IL36RN: variants seen among roughly 807,000 people sequenced by gnomAD.
The protein encoded by IL36RN is interleukin 36 receptor antagonist, also known as interleukin-36 receptor antagonist protein.
A neutral mutation model predicts 13.0 loss-of-function variants in IL36RN; 11 were observed. The ratio of observed to expected loss-of-function variants is 0.85; its 90% CI spans 0.53 to 1.40. The LOEUF is 1.40. IL36RN is among the 40% of genes most tolerant of loss of function. IL36RN has a pLI of 0.00. For synonymous variants in IL36RN, 94 were observed against 84.1 expected, an observed-to-expected ratio of 1.12 and a Z score of -0.64; for missense variants, 195 against 195.3, an observed-to-expected ratio of 1.00 and a Z score of 0.01.
Position 113,064,234 on chromosome 2 carries a change from A to G in IL36RN, c.*1557A>G, listed in dbSNP as rs1204805721. On this transcript the variant is annotated 3_prime_UTR_variant, in exon 5 of 5. Transcript: ENST00000393200. ...GGGATAACGGCTCTGCTGAAACCTT[A>G]ATCTCAGACTTCCAGCCTCCTGAAC... The G allele has an allele frequency of 6.6e-6, 1 of 152,202 alleles. No homozygotes were observed. Among genetic ancestry groups the G allele is most frequent in the Non-Finnish European group, 1.5e-5 (1 of 68,040 alleles). 9.4% of individuals were successfully genotyped at this position (152,202 alleles called of 1,614,324 possible). A position where few individuals can be genotyped will look rare whatever the true frequency, so the allele number is the denominator to read the frequency against.
At position 113,062,710 on chromosome 2, in the gene IL36RN, GC is replaced by G; in HGVS notation, c.*35del. On this transcript the variant is annotated 3_prime_UTR_variant, in exon 5 of 5. Transcript: ENST00000393200. ...TGCCCCCCAGAACTCCCTGGGCAGAGCCAGCTCGGGTGAGGGGTGAGTGGAG... is the reference window on the plus strand; with the variant it reads ...TGCCCCCCAGAACTCCCTGGGCAGAGCAGCTCGGGTGAGGGGTGAGTGGAG... 6.3e-7 allele frequency: 1 copy of G among 1,583,304 alleles called. No individual in the cohort carries two copies. The highest frequency in any genetic ancestry group is 8.6e-7 in the Non-Finnish European group (1 of 1,162,622).
At chr2:113,061,504 C>G (rs549046054) in intron 3 of IL36RN, among the ~76,000 whole-genome samples, 7 of 152,188 alleles carry the variant, frequency 4.6e-5, no homozygotes, top group Non-Finnish European at 8.8e-5. Flanking sequence ...GTAGATCCTT[C>G]AGCTAGGCCA....
Position 113,062,447 on chromosome 2 carries a change from C to T in IL36RN, c.244-6C>T, listed in dbSNP as rs374849220. 4.7e-5 allele frequency: 76 copies of T among 1,613,986 alleles called. No homozygotes were observed. In the Middle Eastern group the frequency reaches 6.6e-4, roughly 14 times the overall value. On this transcript the variant is annotated splice_region_variant and splice_polypyrimidine_tract_variant and intron_variant, in intron 4 of 4. Coordinates refer to ENST00000393200, the MANE Select transcript of IL36RN (RefSeq NM_012275.3). ...CCTCACCTGACCTCCCCTCCTCTGC[C>T]GGCAGCCAGTGAACATCATGGAGCT...
intron 3 of IL36RN, among the ~76,000 whole-genome samples, chr2:113,061,639 CAT>C (rs1157344013): frequency 6.6e-6 from 1 of 151,976 alleles, no homozygotes; most frequent in Non-Finnish European, 1.5e-5. Context: ...TAGGTATGAG[CAT>C]GTGTGTGTAT....
At position 113,062,150 on chromosome 2, in the gene IL36RN, C is replaced by A. The variant is rs151325121; in HGVS notation, c.142C>A (p.Arg48=). The A allele has an allele frequency of 6.2e-7, 1 of 1,614,068 alleles. No individual in the cohort carries two copies. Among genetic ancestry groups the A allele is most frequent in the Non-Finnish European group, 8.5e-7 (1 of 1,179,954 alleles). Residue 48 remains arginine, a synonymous_variant, in exon 4 of 5, where the codon CGG becomes AGG. Coordinates refer to ENST00000393200, the MANE Select transcript of IL36RN (RefSeq NM_012275.3). Reference sequence around the variant, plus strand: ...TGAAGAGATCAGCGTGGTCCCCAATCGGTGGCTGGATGCCAGCCTGTCCCC... The same window carrying A: ...TGAAGAGATCAGCGTGGTCCCCAATAGGTGGCTGGATGCCAGCCTGTCCCC... ...KGEEISVVPN[R]WLDASLSPVI...
Position 113,062,577 on chromosome 2 carries a change from C to G in IL36RN, c.368C>G (p.Thr123Arg), listed in dbSNP as rs397514629. Reference protein sequence around the residue: ...SAAYPGWFLCTVPEADQPVRL... With the variant: ...SAAYPGWFLCRVPEADQPVRL... Reference sequence around the variant, plus strand: ...GCCTACCCGGGCTGGTTCCTGTGCACGGTGCCTGAAGCCGATCAGCCTGTC... The same window carrying G: ...GCCTACCCGGGCTGGTTCCTGTGCAGGGTGCCTGAAGCCGATCAGCCTGTC... Residue 123 changes from threonine to arginine, a missense_variant, in exon 5 of 5, where the codon ACG becomes AGG. Thr to Arg is a moderately conservative substitution (Grantham distance 71). Transcript: ENST00000393200. 1 of 1,613,868 alleles carries G rather than the reference C, an allele frequency of 6.2e-7. No individual in the cohort carries two copies.
chr2:113,059,607 C>T (rs1685599979), intron 2 of IL36RN, 140 bp downstream of exon 2: 2 of 906,692 alleles, frequency 2.2e-6, no homozygotes, highest in Admixed American at 4.0e-5. Context: ...CACCTCACTG[C>T]TCTTAGAGTT....
At chr2:113,059,196 A>C, upstream of IL36RN, 2 of 578,592 alleles carry the variant, frequency 3.5e-6, no homozygotes, top group East Asian at 3.0e-5. Flanking sequence ...CCTTGGAGGA[A>C]CAGGCAGACT....
rs944976219 is a variant in IL36RN at position 113,059,304 on chromosome 2, C to T, written c.-28+63C>T. On this transcript the variant is annotated intron_variant, in intron 1 of 4. Coordinates refer to ENST00000393200, the MANE Select transcript of IL36RN (RefSeq NM_012275.3). ...CTGACCCCAGACCCAGAATCTGCTC[C>T]GTGGAGGCTGTTCACATGCTGGGGA... The T allele has an allele frequency of 2.1e-5, 19 of 914,648 alleles. No homozygotes were observed. In the East Asian group the frequency reaches 3.5e-4, roughly 17 times the overall value. The allele number at this position is 914,648 out of a possible 1,614,324, so 56.7% of individuals were successfully genotyped here.
At chr2:113,060,794 C>G in intron 2 of IL36RN, 58 bp from the exon 3 acceptor site, 1 of 1,209,982 alleles carries the variant, frequency 8.3e-7, no homozygotes, top group Non-Finnish European at 1.2e-6. Flanking sequence ...GGATCCAGGG[C>G]ATGCTGGAGT....
At chr2:113,061,176 A>C (rs916692712) in intron 3 of IL36RN, among the ~76,000 whole-genome samples, 20 of 152,224 alleles carry the variant, frequency 1.3e-4, no homozygotes, top group African/African-American at 4.6e-4. Context: ...GTTTTCCAAG[A>C]GGCTTGTCTT....
chr2:113,062,091 T>A, intron 3 of IL36RN, 33 bp from the exon 4 acceptor site: 1 of 1,611,124 alleles, frequency 6.2e-7, no homozygotes, highest in Non-Finnish European at 8.5e-7. Flanking sequence ...GGGAAAGGCA[T>A]CCAGGGCCCT....
At chr2:113,059,601 T>A in intron 2 of IL36RN, 134 bp downstream of exon 2, 1 of 1,016,232 alleles carries the variant, frequency 9.8e-7, no homozygotes, top group Non-Finnish European at 1.5e-6. Flanking sequence ...GACCAGCACC[T>A]CACTGCTCTT....
chr2:113,062,243 A>G lies in IL36RN; in HGVS notation c.235A>G (p.Thr79Ala). ...SCGVGQEPTL[T>A]LEPVNIMELY... ...TGGGGTGGGGCAGGAGCCGACTCTA[A>G]CACTAGAGGTGAGACTTGGGGCATC... Residue 79 changes from threonine (T) to alanine (A), a missense_variant, in exon 4 of 5, where the codon ACA becomes GCA. Physicochemically the swap from Thr to Ala is moderately conservative, Grantham distance 58 (BLOSUM62 0). Transcript: ENST00000393200. The G allele has an allele frequency of 6.2e-7, 1 of 1,613,992 alleles. No homozygotes were observed.
chr2:113,061,858 T>G (rs910125316), intron 3 of IL36RN, among the ~76,000 whole-genome samples: 2 of 151,452 alleles, frequency 1.3e-5, no homozygotes, highest in African/African-American at 2.4e-5. Context: ...AAGGAGGGGG[T>G]TGAATCTATT....
At chr2:113,061,294 G>A (rs1226194157) in intron 3 of IL36RN, among the ~76,000 whole-genome samples, 1 of 152,178 alleles carries the variant, frequency 6.6e-6, no homozygotes, top group Non-Finnish European at 1.5e-5. Context: ...TCCCATATGG[G>A]AGTGGGTTTC....
chr2:113,059,052 C>A, upstream of IL36RN: 1 of 306,900 alleles, frequency 3.3e-6, no homozygotes, highest in Admixed American at 4.2e-5. Context: ...GCTTCCCTCC[C>A]CACGACAGAT....
intron 2 of IL36RN, among the ~76,000 whole-genome samples, chr2:113,059,976 A>G (rs1409615336): frequency 6.6e-6 from 1 of 152,198 alleles, no homozygotes; most frequent in Non-Finnish European, 1.5e-5. Flanking sequence ...TCAGTCTAAT[A>G]AAGCACTTCC....
At chr2:113,062,094 A>C (rs1685653239) in intron 3 of IL36RN, 30 bp from the exon 4 acceptor site, 1 of 1,611,858 alleles carries the variant, frequency 6.2e-7, no homozygotes, top group Non-Finnish European at 8.5e-7. Flanking sequence ...AAAGGCATCC[A>C]GGGCCCTGCA....
Sources: gnomAD v4.1 joint callset for allele counts (sites outside exome capture counted in the v4.1 genomes callset) on GRCh38, gnomAD v4.1.1 for gene constraint, MANE v1.5 for transcripts, NCBI Gene and HGNC (gene_info 2026-07-23, HGNC 2026-07-21) for gene names.